Variants in ANKRD30BL observed in about 807,000 individuals in gnomAD.
The protein encoded by ANKRD30BL is putative ankyrin repeat domain-containing protein 30B-like.
In ANKRD30BL, 20 loss-of-function variants were observed where a neutral mutation model predicts 18.4. The ratio of observed to expected loss-of-function variants is 1.09; its 90% CI spans 0.77 to 1.58. The LOEUF (loss-of-function observed/expected upper bound fraction) is 1.58, where lower values mean the gene tolerates loss of function less well. ANKRD30BL is among the 40% of genes most tolerant of loss of function. The probability of loss-of-function intolerance (pLI) is 0.00; values close to 1 mark genes in which losing one functional copy is unlikely to be tolerated. For synonymous variants in ANKRD30BL, 72 were observed against 100.9 expected, an observed-to-expected ratio of 0.71 and a Z score of 1.72; for missense variants, 224 against 268.6, an observed-to-expected ratio of 0.83 and a Z score of 1.16.
intron 1 of ANKRD30BL, among the ~76,000 whole-genome samples, chr2:132,240,189 T>A (rs537269431): frequency 6.6e-6 from 1 of 152,058 alleles, no homozygotes; most frequent in East Asian, 1.9e-4. Context: ...CAGAAACTAC[T>A]TTTTGATGTG....
intron 1 of ANKRD30BL, among the ~76,000 whole-genome samples, chr2:132,180,033 T>G (rs1163188640): frequency 6.6e-6 from 1 of 152,150 alleles, no homozygotes; most frequent in Non-Finnish European, 1.5e-5. Flanking sequence ...TAATTTATTA[T>G]TGATAAAAGA....
chr2:132,256,434 G>A (rs1397163257), intron 1 of ANKRD30BL, among the ~76,000 whole-genome samples: 1 of 152,226 alleles, frequency 6.6e-6, no homozygotes, highest in Non-Finnish European at 1.5e-5. Context: ...CGCCCGACCC[G>A]TGTGCGGCAG....
chr2:132,180,518 G>A (rs1204848764), intron 1 of ANKRD30BL, among the ~76,000 whole-genome samples: 1 of 152,142 alleles, frequency 6.6e-6, no homozygotes, highest in African/African-American at 2.4e-5. Flanking sequence ...GGCATGCAGA[G>A]AGGGCAATTC....
chr2:132,195,050 G>A (rs1483325310), intron 1 of ANKRD30BL, among the ~76,000 whole-genome samples: 2 of 152,094 alleles, frequency 1.3e-5, no homozygotes, highest in Non-Finnish European at 2.9e-5. Context: ...TATAGAAGAA[G>A]GCCAATGACA....
chr2:132,254,884 C>T (rs78878431), intron 1 of ANKRD30BL, among the ~76,000 whole-genome samples: 1 of 152,212 alleles, frequency 6.6e-6, no homozygotes, highest in Non-Finnish European at 1.5e-5. Flanking sequence ...CACCACCACC[C>T]GTGGAATCGA....
intron 1 of ANKRD30BL, among the ~76,000 whole-genome samples, chr2:132,191,909 T>C (rs1184943453): frequency 6.6e-6 from 1 of 151,920 alleles, no homozygotes; most frequent in African/African-American, 2.4e-5. Flanking sequence ...GCCTGGCTAA[T>C]TTTTTTGTAT....
At chr2:132,257,075 G>A (rs773148049) in intron 1 of ANKRD30BL, 1 of 492,646 alleles carries the variant, frequency 2.0e-6, no homozygotes, top group Non-Finnish European at 4.1e-6. Context: ...GACGGCCCTC[G>A]GCACCACCGA....
At chr2:132,153,573 C>A (rs1429529193) in intron 4 of ANKRD30BL, 1 of 600,882 alleles carries the variant, frequency 1.7e-6, no homozygotes, top group African/African-American at 1.9e-5. Flanking sequence ...AATCCACAAG[C>A]AACAGCATAA....
At chr2:132,159,247 T>C (rs574505092) in intron 1 of ANKRD30BL, among the ~76,000 whole-genome samples, 1 of 152,226 alleles carries the variant, frequency 6.6e-6, no homozygotes, top group African/African-American at 2.4e-5. Context: ...TGGTCACATA[T>C]TATCCCATGC....
At chr2:132,228,991 G>A (rs920495652) in intron 1 of ANKRD30BL, among the ~76,000 whole-genome samples, 2 of 152,014 alleles carry the variant, frequency 1.3e-5, no homozygotes, top group African/African-American at 4.8e-5. Flanking sequence ...TGTGATGTGT[G>A]CATTCATCTA....
intron 1 of ANKRD30BL, among the ~76,000 whole-genome samples, chr2:132,255,162 C>T (rs1372724529): frequency 6.6e-6 from 1 of 151,902 alleles, no homozygotes; most frequent in East Asian, 1.9e-4. Flanking sequence ...TGATCGTCTT[C>T]GAACCTCCGA....
Position 132,207,105 on chromosome 2 carries a change from C to A in ANKRD30BL, n.442-49959G>T, listed in dbSNP as rs1256181968. Among the ~76,000 whole-genome samples the A allele has an allele frequency of 1.3e-4, 19 of 151,870 alleles. 1 individual carries two copies. The highest frequency in any genetic ancestry group is 2.1e-4 in the Non-Finnish European group (14 of 68,016). On this transcript the variant is annotated intron_variant and non_coding_transcript_variant, in intron 1 of 4. Transcript: ENST00000470729. ...TAATTTGATTTCAAATTAAGTCATA[C>A]CCTCACAGACATCAGGGGCTAGAAC... is the stretch of plus-strand genomic sequence containing the variant.
At chr2:132,210,934 C>T (rs1382920788) in intron 1 of ANKRD30BL, among the ~76,000 whole-genome samples, 1 of 152,162 alleles carries the variant, frequency 6.6e-6, no homozygotes, top group Non-Finnish European at 1.5e-5. Flanking sequence ...GTGATGTGTG[C>T]ATTCATCTCA....
intron 1 of ANKRD30BL, among the ~76,000 whole-genome samples, chr2:132,200,078 T>C (rs573836973): frequency 6.6e-5 from 10 of 152,294 alleles, no homozygotes; most frequent in Middle Eastern, 6.8e-3. Context: ...AAAAGGTCTT[T>C]GACAAAATTC....
chr2:132,170,254 A>G (rs1375313532), intron 1 of ANKRD30BL, among the ~76,000 whole-genome samples: 2 of 152,220 alleles, frequency 1.3e-5, no homozygotes, highest in Non-Finnish European at 2.9e-5. Flanking sequence ...CTTGTCACAC[A>G]GCCTTGAAAT....
intron 1 of ANKRD30BL, among the ~76,000 whole-genome samples, chr2:132,198,348 G>C (rs1231884399): frequency 1.0e-5 from 1 of 97,518 alleles, no homozygotes; most frequent in Non-Finnish European, 1.8e-5. Flanking sequence ...TTTTTAGACA[G>C]AGTCTCCCTC....
chr2:132,232,665 C>T (rs1377119211), intron 1 of ANKRD30BL, among the ~76,000 whole-genome samples: 2 of 152,038 alleles, frequency 1.3e-5, no homozygotes, highest in Admixed American at 6.6e-5. Flanking sequence ...AGCAAAGCCT[C>T]CAAGAAATAT....
chr2:132,211,399 C>T (rs540211589), intron 1 of ANKRD30BL, among the ~76,000 whole-genome samples: 74 of 151,794 alleles, frequency 4.9e-4, no homozygotes, highest in African/African-American at 1.7e-3. Flanking sequence ...AATATTTTCA[C>T]GTAAAAAGTA....
At chr2:132,150,585 T>C (rs1258176344) in intron 5 of ANKRD30BL, among the ~76,000 whole-genome samples, 6 of 151,774 alleles carry the variant, frequency 4.0e-5, no homozygotes, top group African/African-American at 1.4e-4. Context: ...TTTATGACAG[T>C]TGAGGAAACA....
Sources: gnomAD v4.1 joint callset for allele counts (sites outside exome capture counted in the v4.1 genomes callset) on GRCh38, gnomAD v4.1.1 for gene constraint, MANE v1.5 for transcripts, NCBI Gene and HGNC (gene_info 2026-07-23, HGNC 2026-07-21) for gene names.